Variants in VSIG10 observed in about 807,000 individuals in gnomAD.
The protein encoded by VSIG10 is V-set and immunoglobulin domain containing 10, also known as V-set and immunoglobulin domain-containing protein 10.
Under a neutral mutation model 58.7 loss-of-function variants are expected in VSIG10, and 48 were observed. The ratio of observed to expected loss-of-function variants is 0.82; its 90% CI spans 0.65 to 1.04. The LOEUF (loss-of-function observed/expected upper bound fraction) is 1.04. Among genes scored for constraint, VSIG10 ranks in the 50% least tolerant of loss-of-function variants. The probability of loss-of-function intolerance (pLI) is 0.00; values close to 1 mark genes in which losing one functional copy is unlikely to be tolerated. For synonymous variants in VSIG10, 260 were observed against 267.1 expected (o/e 0.97, Z 0.26); for missense variants, 628 against 670.0 (o/e 0.94, Z 0.69).
Position 118,079,327 on chromosome 12 carries a change from C to A in VSIG10, c.925+19G>T, listed in dbSNP as rs1255990643. On this transcript the variant is annotated intron_variant, in intron 4 of 8. Coordinates refer to ENST00000359236, the MANE Select transcript of VSIG10 (RefSeq NM_019086.6). ...AGGCAGGGAAACTCCAACCCCAAGA[C>A]AAAGCAAAACAGACTCACTGATCTG... The A allele has an allele frequency of 6.2e-6, 10 of 1,609,718 alleles. No individual in the cohort carries two copies. Among genetic ancestry groups the A allele is most frequent in the Admixed American group, 1.7e-5 (1 of 59,920 alleles).
chr12:118,073,678 A>G, intron 5 of VSIG10, 21 bp downstream of exon 5: 1 of 1,580,718 alleles, frequency 6.3e-7, no homozygotes, highest in Non-Finnish European at 8.6e-7. Context: ...TCCCTCCTTC[A>G]GGCCCAGTTC....
chr12:118,075,645 G>A (rs1189443783), intron 4 of VSIG10, among the ~76,000 whole-genome samples: 3 of 151,970 alleles, frequency 2.0e-5, no homozygotes, highest in Non-Finnish European at 4.4e-5. Context: ...ATGAGCCACC[G>A]TGCCTGGCCA....
intron 8 of VSIG10, among the ~76,000 whole-genome samples, 165 bp downstream of exon 8, chr12:118,068,212 T>G (rs1411390231): frequency 6.8e-6 from 1 of 147,590 alleles, no homozygotes; most frequent in Non-Finnish European, 1.5e-5. Context: ...TTTTTTTTTT[T>G]TTCGTAGAGA....
chr12:118,079,578 C>T lies in VSIG10; in HGVS notation c.693G>A (p.Trp231Ter). 6.2e-7 allele frequency: 1 copy of T among 1,613,970 alleles called. No individual in the cohort carries two copies. Among genetic ancestry groups the T allele is most frequent in the Non-Finnish European group, 8.5e-7 (1 of 1,179,898 alleles). The change falls in exon 4 of 9, where the codon TGG (tryptophan) becomes TGA (stop). Residue 231 changes from tryptophan (W) to a stop codon, truncating the protein, a stop_gained. Transcript: ENST00000359236. LOFTEE classifies it high-confidence loss of function. The stretch of plus-strand genomic sequence containing the variant: ...TGAACGATCCTGATGCCATCTGTGC[C>T]CAGCACTGGGGAGCTGATGGAGGGG... ...YYPPPSAPQC[W>*]AQMASGSFML... is the part of the protein sequence containing the mutation.
rs752051645 is a variant in VSIG10, at chr12:118,073,847, A to G, written c.1071T>C (p.Pro357=). 1.9e-6 allele frequency: 3 copies of G among 1,613,782 alleles called. No individual in the cohort carries two copies. Among genetic ancestry groups the G allele is most frequent in the African/African-American group, 2.7e-5 (2 of 75,004 alleles). Residue 357 remains proline (P), a synonymous_variant, in exon 5 of 9, where the codon CCT becomes CCC. Transcript: ENST00000359236. ...NLTQPEVIIQ[P]SSRHLITQDG... is the part of the protein sequence containing the mutation. ...CCTGGGTAATGAGATGGCGGCTGCT[A>G]GGCTGGATGATCACCTCGGGCTGGG...
intron 4 of VSIG10, among the ~76,000 whole-genome samples, chr12:118,077,083 A>G (rs2032757698): frequency 6.6e-6 from 1 of 152,194 alleles, no homozygotes; most frequent in Non-Finnish European, 1.5e-5. Context: ...ATCCACAGGT[A>G]TTAGGGTTTG....
chr12:118,092,204 C>T (rs1384852064), intron 2 of VSIG10, among the ~76,000 whole-genome samples: 1 of 152,112 alleles, frequency 6.6e-6, no homozygotes, highest in African/African-American at 2.4e-5. Flanking sequence ...ACTACAGGTG[C>T]ATGACACCAT....
chr12:118,075,930 G>T (rs1182390463), intron 4 of VSIG10, among the ~76,000 whole-genome samples: 1 of 152,162 alleles, frequency 6.6e-6, no homozygotes, highest in Non-Finnish European at 1.5e-5. Flanking sequence ...CCAGAATGAG[G>T]AGTTTTCAGT....
At chr12:118,096,988 G>A (rs1008605426) in intron 1 of VSIG10, among the ~76,000 whole-genome samples, 24 of 152,104 alleles carry the variant, frequency 1.6e-4, no homozygotes, top group Non-Finnish European at 1.9e-4. Context: ...GCGGTGAGCC[G>A]AGATTGCGCC....
chr12:118,088,194 G>A (rs958453089), intron 2 of VSIG10, among the ~76,000 whole-genome samples: 4 of 145,406 alleles, frequency 2.8e-5, no homozygotes, highest in East Asian at 2.1e-4. Flanking sequence ...GCAGTGAGCC[G>A]AGCCATTGCA....
chr12:118,093,768 G>A (rs1259053646), intron 2 of VSIG10, among the ~76,000 whole-genome samples: 1 of 151,940 alleles, frequency 6.6e-6, no homozygotes, highest in Non-Finnish European at 1.5e-5. Context: ...AATTAGCCGG[G>A]AGAGTTGGCA....
At chr12:118,075,954 G>A (rs1240140583) in intron 4 of VSIG10, among the ~76,000 whole-genome samples, 1 of 152,172 alleles carries the variant, frequency 6.6e-6, no homozygotes, top group Non-Finnish European at 1.5e-5. Context: ...AAAACCAGGA[G>A]AGTTCTGTGC....
intron 2 of VSIG10, among the ~76,000 whole-genome samples, chr12:118,083,409 C>T (rs1000275903): frequency 6.6e-6 from 1 of 151,960 alleles, no homozygotes; most frequent in Admixed American, 6.6e-5. Context: ...TAAATCATGT[C>T]TCTACAAAAA....
At chr12:118,083,622 C>T (rs1028238655) in intron 2 of VSIG10, among the ~76,000 whole-genome samples, 1 of 151,892 alleles carries the variant, frequency 6.6e-6, no homozygotes, top group Admixed American at 6.6e-5. Flanking sequence ...TATCATGTGC[C>T]TATAGTCCCA....
At chr12:118,070,871 C>T (rs2032462514) in intron 7 of VSIG10, 181 bp downstream of exon 7, 1 of 725,034 alleles carries the variant, frequency 1.4e-6, no homozygotes, top group Admixed American at 2.3e-5. Flanking sequence ...GTCACCACCA[C>T]CCTGAGGAGA....
chr12:118,087,864 A>G (rs1314656761), intron 2 of VSIG10, among the ~76,000 whole-genome samples: 1 of 136,828 alleles, frequency 7.3e-6, no homozygotes, highest in Non-Finnish European at 1.6e-5. Flanking sequence ...AAAGAGAGAG[A>G]AGGAGGTAAT....
chr12:118,083,114 CAAAAAAAAAAAAAAAAAAA>C lies in VSIG10; in HGVS notation c.362-704_362-686del, dbSNP rs61523301. ...AGCAACACAGCAAGTCTCCGTCTCA[CAAAAAAAAAAAAAAAAAAA>C]AAAAAAAAAAAAAAAATCACTGCAA... is the stretch of plus-strand genomic sequence containing the variant. On this transcript the variant is annotated intron_variant, in intron 2 of 8. Coordinates refer to ENST00000359236, the MANE Select transcript of VSIG10 (RefSeq NM_019086.6). Among the ~76,000 whole-genome samples, 9 of 55,030 alleles carry C rather than the reference CAAAAAAAAAAAAAAAAAAA, an allele frequency of 1.6e-4. No individual in the cohort carries two copies. In the South Asian group the frequency reaches 3.4e-3, roughly 21 times the overall value. 36.1% of individuals were successfully genotyped at this position (55,030 alleles called of 152,430 possible). A position where few individuals can be genotyped will look rare whatever the true frequency, so the allele number is the denominator to read the frequency against.
At chr12:118,094,192 T>TCCACCACCC (rs2033379773) in intron 2 of VSIG10, among the ~76,000 whole-genome samples, 2 of 150,596 alleles carry the variant, frequency 1.3e-5, no homozygotes, top group Non-Finnish European at 1.5e-5. Context: ...CACTGCAGCC[T>TCCACCACCC]GGAGCTCCTG....
In VSIG10 at chr12:118,067,768, G is replaced by T. The variant is rs953268802; in HGVS notation, c.1567+609C>A. Reference sequence around the variant, plus strand: ...TGAGCCACCGCACCTGGCCTGAACTGGTCTTGTAAAGCTCCCTGCATGCAG... The same window carrying T: ...TGAGCCACCGCACCTGGCCTGAACTTGTCTTGTAAAGCTCCCTGCATGCAG... On this transcript the variant is annotated intron_variant, in intron 8 of 8. Coordinates refer to ENST00000359236, the MANE Select transcript of VSIG10 (RefSeq NM_019086.6). 5.3e-5 allele frequency among the ~76,000 whole-genome samples: 8 copies of T among 152,008 alleles called. No homozygotes were observed. The South Asian group carries it at 6.2e-4, about 12-fold the overall frequency.
Sources: allele counts gnomAD v4.1 joint callset (sites outside exome capture counted in the v4.1 genomes callset), GRCh38; gene constraint gnomAD v4.1.1; transcripts MANE v1.5; gene names NCBI Gene and HGNC (gene_info 2026-07-23, HGNC 2026-07-21).